Variants in ZNF560 observed in about 807,000 individuals in gnomAD.
ZNF560 encodes zinc finger protein 560.
A neutral mutation model predicts 81.8 loss-of-function variants in ZNF560; 54 were observed. The observed-to-expected ratio is 0.66, with a 90% CI of 0.53 to 0.83. The LOEUF (loss-of-function observed/expected upper bound fraction) is 0.83. Ranked by LOEUF, ZNF560 falls within the 40% of genes least tolerant of loss-of-function variation. ZNF560 has a pLI of 0.00. For synonymous variants in ZNF560, 321 were observed against 317.9 expected (o/e 1.01, Z -0.10); for missense variants, 940 against 932.4 (o/e 1.01, Z -0.11).
downstream of ZNF560, among the ~76,000 whole-genome samples, chr19:9,464,223 T>C (rs2072979529): frequency 6.6e-6 from 1 of 151,988 alleles, no homozygotes; most frequent in Non-Finnish European, 1.5e-5. Context: ...AATATCATGA[T>C]CATCCATGTT....
chr19:9,473,238 C>G lies in ZNF560; in HGVS notation c.179G>C (p.Ser60Thr), dbSNP rs771368017. Residue 60 changes from serine to threonine, a missense_variant, in exon 5 of 10, where the codon AGT becomes ACT. Physicochemically the swap from Ser to Thr is moderately conservative, Grantham distance 58. Coordinates refer to ENST00000301480, the MANE Select transcript of ZNF560 (RefSeq NM_152476.3). ...TTCTTCTTCCAACCAAGAGATGACA[C>G]TGGGTTTAAAGAGCTGAAATCCTTT... is the stretch of plus-strand genomic sequence containing the variant. Reference protein sequence around the residue: ...AKVGFQLFKPSVISWLEEEEL... With the variant: ...AKVGFQLFKPTVISWLEEEEL... The G allele has an allele frequency of 6.2e-7, 1 of 1,612,018 alleles. No homozygotes were observed. The highest frequency in any genetic ancestry group is 8.5e-7 in the Non-Finnish European group (1 of 1,179,144).
chr19:9,466,917 G>GT lies in ZNF560; in HGVS notation c.2029dup (p.Thr677AsnfsTer9), dbSNP rs1424119613. The GT allele has an allele frequency of 1.2e-6, 2 of 1,613,958 alleles. No individual in the cohort carries two copies. The highest frequency in any genetic ancestry group is 1.7e-6 in the Non-Finnish European group (2 of 1,180,020). On this transcript the variant is annotated frameshift_variant, in exon 10 of 10. Coordinates refer to ENST00000301480, the MANE Select transcript of ZNF560 (RefSeq NM_152476.3). LOFTEE classifies it high-confidence loss of function. ...TTCAGAGGTCTTCTCTGCTGCATGA[G>GT]TTTTTAAGTGTTGAGTTAGTACACA...
chr19:9,482,891 C>T (rs1209764055), intron 2 of ZNF560, among the ~76,000 whole-genome samples: 3 of 152,184 alleles, frequency 2.0e-5, no homozygotes. Flanking sequence ...TCTCCAGCTC[C>T]TAACCAGGAG....
intron 2 of ZNF560, among the ~76,000 whole-genome samples, chr19:9,479,130 T>C (rs904019818): frequency 6.6e-6 from 1 of 150,758 alleles, no homozygotes; most frequent in African/African-American, 2.4e-5. Flanking sequence ...AAGATTGCAG[T>C]GAGCCAAGAT....
chr19:9,469,468 G>C (rs577254787), intron 8 of ZNF560, among the ~76,000 whole-genome samples, 162 bp downstream of exon 8: 5 of 152,304 alleles, frequency 3.3e-5, no homozygotes, highest in African/African-American at 1.2e-4. Context: ...GGGAAGTCTG[G>C]ATAGATGCAA....
rs747673039 is a variant in ZNF560, at chr19:9,475,291, C to T, written c.23G>A (p.Cys8Tyr). 3.7e-6 allele frequency: 6 copies of T among 1,613,820 alleles called. 1 individual carries two copies. The South Asian group carries it at 6.6e-5, about 18-fold the overall frequency. The change falls in exon 3 of 10, where the codon TGT becomes TAT. Residue 8 changes from cysteine to tyrosine, a missense_variant. Cys to Tyr is a radical substitution (Grantham distance 194, BLOSUM62 -2). Coordinates refer to ENST00000301480, the MANE Select transcript of ZNF560 (RefSeq NM_152476.3). ...TATACATTTTCTGCATACCTGATAA[C>T]AATTTGTCAGGCAGTAAGCCATCTT... MAYCLTN[C>Y]YQYSVTFEDT...
At chr19:9,447,908 C>G in the ZNF560 span, among the ~76,000 whole-genome samples, 443 of 152,266 alleles carry the variant, frequency 2.9e-3, 5 homozygotes, top group African/African-American at 0.01. Context: ...CGAAGACATA[C>G]AGTCACCAGC....
chr19:9,492,822 A>C (rs905274827), intron 2 of ZNF560, among the ~76,000 whole-genome samples: 3 of 152,200 alleles, frequency 2.0e-5, no homozygotes, highest in Admixed American at 2.0e-4. Context: ...ATTAGCTCTA[A>C]GACAAAAATT....
chr19:9,478,786 G>T (rs73020117), intron 2 of ZNF560, among the ~76,000 whole-genome samples: 22,819 of 151,804 alleles, frequency 0.15, 2,560 homozygotes, highest in African/African-American at 0.31. Context: ...AAGATAAAAA[G>T]TAAAGAATCA....
chr19:9,504,671 T>G, the ZNF560 span, among the ~76,000 whole-genome samples: 1 of 152,246 alleles, frequency 6.6e-6, no homozygotes, highest in African/African-American at 2.4e-5. Flanking sequence ...AACTCTCCAA[T>G]TATTGCTATA....
chr19:9,454,123 T>G, the ZNF560 span, among the ~76,000 whole-genome samples: 23 of 152,356 alleles, frequency 1.5e-4, no homozygotes, highest in South Asian at 4.8e-3. Flanking sequence ...AATCTGTGCC[T>G]TAAGGACATG....
At chr19:9,472,778 G>A (rs1466073654) in intron 5 of ZNF560, among the ~76,000 whole-genome samples, 5 of 152,272 alleles carry the variant, frequency 3.3e-5, no homozygotes, top group African/African-American at 9.6e-5. Flanking sequence ...TAAATGTAAT[G>A]CACCTGAATC....
At chr19:9,447,464 G>C in the ZNF560 span, among the ~76,000 whole-genome samples, 1 of 152,062 alleles carries the variant, frequency 6.6e-6, no homozygotes, top group African/African-American at 2.4e-5. Flanking sequence ...TCCAAGACAA[G>C]ATTGAAAATC....
chr19:9,447,803 T>G, the ZNF560 span, among the ~76,000 whole-genome samples: 6 of 152,114 alleles, frequency 3.9e-5, no homozygotes, highest in South Asian at 1.2e-3. Flanking sequence ...GAGAGAATAA[T>G]TTAAGAAAAT....
chr19:9,448,719 G>A, the ZNF560 span, among the ~76,000 whole-genome samples: 1 of 152,032 alleles, frequency 6.6e-6, no homozygotes, highest in African/African-American at 2.4e-5. Flanking sequence ...GAATGTAAAT[G>A]GTCTTACCAC....
intron 2 of ZNF560, among the ~76,000 whole-genome samples, chr19:9,490,135 G>T (rs1463993240): frequency 1.3e-5 from 2 of 152,126 alleles, no homozygotes; most frequent in African/African-American, 4.8e-5. Context: ...CATGTGATCT[G>T]CACAGCTTCC....
chr19:9,479,692 T>C (rs2073255602), intron 2 of ZNF560, among the ~76,000 whole-genome samples: 1 of 152,206 alleles, frequency 6.6e-6, no homozygotes, highest in African/African-American at 2.4e-5. Flanking sequence ...GCACATATTT[T>C]CCCTGCTCAT....
At chr19:9,450,996 C>T in the ZNF560 span, among the ~76,000 whole-genome samples, 87,338 of 152,034 alleles carry the variant, frequency 0.57, 25,895 homozygotes, top group African/African-American at 0.71. Context: ...TGGAAAAACA[C>T]CCCATGGTCA....
At position 9,483,874 on chromosome 19, in the gene ZNF560, T is replaced by C. The variant is rs528915604; in HGVS notation, c.-56-8505A>G. On this transcript the variant is annotated intron_variant, in intron 2 of 9. Coordinates refer to ENST00000301480, the MANE Select transcript of ZNF560 (RefSeq NM_152476.3). ...AAAAGGGGGAAATGTGGGGGAAAGA[T>C]AGAGAAATCAGATTGTTGCTGTGTC... Among the ~76,000 whole-genome samples, 15 of 151,122 alleles carry C rather than the reference T, an allele frequency of 9.9e-5. No homozygotes were observed. In the South Asian group the frequency reaches 2.8e-3, roughly 28 times the overall value.
Sources: gnomAD v4.1 joint callset for allele counts (sites outside exome capture counted in the v4.1 genomes callset) on GRCh38, gnomAD v4.1.1 for gene constraint, MANE v1.5 for transcripts, NCBI Gene and HGNC (gene_info 2026-07-23, HGNC 2026-07-21) for gene names.